DIAPH3: variants seen among roughly 807,000 people sequenced by gnomAD.
The protein encoded by DIAPH3 is diaphanous related formin 3.
A neutral mutation model predicts 144.3 loss-of-function variants in DIAPH3; 117 were observed. The observed-to-expected ratio is 0.81, with a 90% CI of 0.70 to 0.95. DIAPH3 has a LOEUF of 0.95. Among genes scored for constraint, DIAPH3 ranks in the 40% least tolerant of loss-of-function variants. DIAPH3 has a pLI of 0.00. For missense variants in DIAPH3, 1,421 were observed against 1,412.7 expected, an observed-to-expected ratio of 1.01 and a Z score of -0.09; for synonymous variants, 519 against 488.9, an observed-to-expected ratio of 1.06 and a Z score of -0.81.
At chr13:59,846,406 C>G (rs2042634701) in intron 22 of DIAPH3, among the ~76,000 whole-genome samples, 1 of 152,098 alleles carries the variant, frequency 6.6e-6, no homozygotes, top group Non-Finnish European at 1.5e-5. Flanking sequence ...ACAATTTAAA[C>G]ATGCAAACTA....
intron 6 of DIAPH3, 42 bp from the exon 7 acceptor site, chr13:60,016,024 G>A: frequency 6.2e-7 from 1 of 1,609,120 alleles, no homozygotes; most frequent in Middle Eastern, 1.7e-4. Context: ...ATTATAATTG[G>A]ACATATGAAT....
At chr13:60,020,268 C>T (rs753597612) in intron 5 of DIAPH3, among the ~76,000 whole-genome samples, 2 of 152,134 alleles carry the variant, frequency 1.3e-5, no homozygotes, top group South Asian at 2.1e-4. Flanking sequence ...GAAATAAACA[C>T]AAAGAGATGA....
chr13:60,153,173 G>A (rs1951879986), intron 1 of DIAPH3, among the ~76,000 whole-genome samples: 2 of 151,996 alleles, frequency 1.3e-5, no homozygotes, highest in South Asian at 4.1e-4. Flanking sequence ...ATTTTCACAA[G>A]CTCTTCCACT....
At chr13:59,894,299 T>C (rs2140138944) in intron 20 of DIAPH3, among the ~76,000 whole-genome samples, 1 of 152,132 alleles carries the variant, frequency 6.6e-6, no homozygotes, top group South Asian at 2.1e-4. Context: ...GGCATTCAGG[T>C]AACGGACATA....
At chr13:59,932,999 C>T (rs1199893933) in intron 17 of DIAPH3, among the ~76,000 whole-genome samples, 1 of 151,974 alleles carries the variant, frequency 6.6e-6, no homozygotes, top group African/African-American at 2.4e-5. Context: ...CAGTGGAAAA[C>T]CAGCAAAAAT....
At chr13:60,110,018 C>T (rs2058523211) in intron 3 of DIAPH3, among the ~76,000 whole-genome samples, 1 of 152,122 alleles carries the variant, frequency 6.6e-6, no homozygotes, top group African/African-American at 2.4e-5. Flanking sequence ...TAGACTATTA[C>T]CCAGAGACCA....
At chr13:59,795,065 A>G (rs1188968908) in intron 25 of DIAPH3, among the ~76,000 whole-genome samples, 1 of 152,216 alleles carries the variant, frequency 6.6e-6, no homozygotes, top group Admixed American at 6.5e-5. Flanking sequence ...AGCTCCACAC[A>G]TCTCCTCACT....
chr13:60,158,092 CA>C (rs1230683279), intron 1 of DIAPH3, among the ~76,000 whole-genome samples: 1 of 152,124 alleles, frequency 6.6e-6, no homozygotes, highest in Non-Finnish European at 1.5e-5. Flanking sequence ...CAAAAAGCTA[CA>C]AAAAATGACA....
chr13:59,822,448 A>T (rs59000512), intron 24 of DIAPH3, among the ~76,000 whole-genome samples: 7,929 of 150,336 alleles, frequency 0.053, 293 homozygotes, highest in East Asian at 0.16. Context: ...TTATTTATTT[A>T]TTTTTTTTTG....
At chr13:59,983,337 A>G (rs1429978476) in intron 13 of DIAPH3, among the ~76,000 whole-genome samples, 2 of 151,616 alleles carry the variant, frequency 1.3e-5, no homozygotes, top group East Asian at 3.9e-4. Flanking sequence ...GGCACTGGTC[A>G]TATGCAGCAG....
At chr13:60,133,800 C>A (rs2059201561) in intron 1 of DIAPH3, among the ~76,000 whole-genome samples, 2 of 152,150 alleles carry the variant, frequency 1.3e-5, no homozygotes, top group Non-Finnish European at 2.9e-5. Flanking sequence ...ATTACCAATT[C>A]TCCTTTCTCT....
At position 60,052,959 on chromosome 13, in the gene DIAPH3, TAAAAAAAAA is replaced by T. The variant is rs559991017; in HGVS notation, c.496-10148_496-10140del. ...CTGGTGACAGAGCCAGACTCCCTCTTAAAAAAAAAAAAAAAAAAAAAGAAATAATAATAA... is the reference window on the plus strand; with the variant it reads ...CTGGTGACAGAGCCAGACTCCCTCTTAAAAAAAAAAAAGAAATAATAATAA... On this transcript the variant is annotated intron_variant, in intron 4 of 27. Transcript: ENST00000400324. Among the ~76,000 whole-genome samples the T allele has an allele frequency of 1.5e-4, 6 of 40,660 alleles. 1 individual carries two copies. The highest frequency in any genetic ancestry group is 2.0e-4 in the Non-Finnish European group (5 of 24,936). 26.7% of individuals were successfully genotyped at this position (40,660 alleles called of 152,430 possible). A position where few individuals can be genotyped will look rare whatever the true frequency, so the allele number is the denominator to read the frequency against.
chr13:59,793,557 C>T lies in DIAPH3; in HGVS notation c.3163+17231G>A, dbSNP rs76097904. 8.3e-4 allele frequency among the ~76,000 whole-genome samples: 126 copies of T among 152,266 alleles called. 1 individual carries two copies. The South Asian group carries it at 0.013, about 15-fold the overall frequency. On this transcript the variant is annotated intron_variant, in intron 25 of 27. Transcript: ENST00000400324. ...CCATTCCTTTTTGAAATGGTCTCTTCCTTGGGCTTCATGATACCAGACTTT... is the reference window on the plus strand; with the variant it reads ...CCATTCCTTTTTGAAATGGTCTCTTTCTTGGGCTTCATGATACCAGACTTT...
chr13:60,080,959 G>A (rs138434428), intron 4 of DIAPH3, among the ~76,000 whole-genome samples: 181 of 151,914 alleles, frequency 1.2e-3, no homozygotes, highest in African/African-American at 3.8e-3. Context: ...TTTAAAATGC[G>A]CTCATATTCA....
At chr13:60,020,396 C>T (rs2053933975) in intron 5 of DIAPH3, among the ~76,000 whole-genome samples, 2 of 152,172 alleles carry the variant, frequency 1.3e-5, no homozygotes, top group African/African-American at 2.4e-5. Flanking sequence ...AAGACAGGGT[C>T]TTACTCTGTC....
At chr13:60,045,880 A>C (rs531965336) in intron 4 of DIAPH3, among the ~76,000 whole-genome samples, 6 of 152,336 alleles carry the variant, frequency 3.9e-5, no homozygotes, top group African/African-American at 1.2e-4. Flanking sequence ...AACAAAAGTG[A>C]TATTAAAAGA....
At chr13:60,064,394 C>A (rs11843748) in intron 4 of DIAPH3, among the ~76,000 whole-genome samples, 5,942 of 152,268 alleles carry the variant, frequency 0.039, 171 homozygotes, top group East Asian at 0.1. Context: ...CTTAGTTACA[C>A]CTTCTGGATA....
At chr13:59,894,683 T>C (rs1416883782) in intron 20 of DIAPH3, among the ~76,000 whole-genome samples, 2 of 148,980 alleles carry the variant, frequency 1.3e-5, no homozygotes, top group African/African-American at 5.0e-5. Context: ...CTTAATTACA[T>C]TAAAAATATG....
intron 17 of DIAPH3, among the ~76,000 whole-genome samples, chr13:59,933,049 T>C (rs1157091707): frequency 6.6e-6 from 1 of 152,190 alleles, no homozygotes; most frequent in East Asian, 1.9e-4. Flanking sequence ...CACATAAATG[T>C]TGGCAACAAT....
Sources: gnomAD v4.1 joint callset for allele counts (sites outside exome capture counted in the v4.1 genomes callset) on GRCh38, gnomAD v4.1.1 for gene constraint, MANE v1.5 for transcripts, NCBI Gene and HGNC (gene_info 2026-07-23, HGNC 2026-07-21) for gene names.